The following EYA1 variants were observed in gnomAD, a reference collection of about 807,000 sequenced individuals.
The protein encoded by EYA1 is protein phosphatase EYA1.
In EYA1, 16 loss-of-function variants were observed where a neutral mutation model predicts 82.0. The observed-to-expected ratio is 0.20, with a 90% CI of 0.13 to 0.30. The LOEUF is 0.30. Ranked by LOEUF, EYA1 falls within the 10% of genes least tolerant of loss-of-function variation. The pLI is 1.00. For synonymous variants in EYA1, 261 were observed against 264.4 expected, an observed-to-expected ratio of 0.99 and a Z score of 0.12; for missense variants, 633 against 730.7, an observed-to-expected ratio of 0.87 and a Z score of 1.54.
rs935912194 is a variant in EYA1 at position 71,448,025 on chromosome 8, T to TTTTTTTTTTTTTTTTTTTAACGGAG, written c.33+87718_33+87719insCTCCGTTAAAAAAAAAAAAAAAAAA. 1.4e-4 allele frequency among the ~76,000 whole-genome samples: 16 copies of TTTTTTTTTTTTTTTTTTTAACGGAG among 116,738 alleles called. No homozygotes were observed. The East Asian group carries it at 1.7e-3, about 12-fold the overall frequency. The allele number at this position is 116,738 out of a possible 152,430, so 76.6% of individuals were successfully genotyped here. A position where few individuals can be genotyped will look rare whatever the true frequency, so the allele number is the denominator to read the frequency against. On this transcript the variant is annotated intron_variant, in intron 2 of 18. Coordinates refer to the EYA1 transcript ENST00000643681. ...GTTTAAGAGCTTTTTTTTTTTTTTT[T>TTTTTTTTTTTTTTTTTTTAACGGAG]TCTCGCTCCGTTGCCCAGGCTGCAG...
intron 2 of EYA1, among the ~76,000 whole-genome samples, chr8:71,440,341 G>A (rs191829802): frequency 1.3e-5 from 2 of 152,284 alleles, no homozygotes; most frequent in East Asian, 3.9e-4. Context: ...GATCATTCTG[G>A]CAGTAGTGAT....
chr8:71,205,515 A>C (rs1020246273), intron 17 of EYA1, among the ~76,000 whole-genome samples: 2 of 152,220 alleles, frequency 1.3e-5, no homozygotes, highest in African/African-American at 4.8e-5. Flanking sequence ...CTAAGAACAA[A>C]GAGGCACTCA....
intron 7 of EYA1, among the ~76,000 whole-genome samples, chr8:71,314,499 C>T (rs996548866): frequency 1.1e-4 from 16 of 152,006 alleles, no homozygotes; most frequent in Non-Finnish European, 4.4e-5. Context: ...ATGCTTGGGA[C>T]CAGAAATGTT....
intron 9 of EYA1, among the ~76,000 whole-genome samples, chr8:71,276,585 T>G (rs1324953706): frequency 6.6e-6 from 1 of 152,130 alleles, no homozygotes; most frequent in Non-Finnish European, 1.5e-5. Flanking sequence ...AGTTCTGTGG[T>G]TTTTACTCCT....
rs1406606831 is a variant in EYA1, at chr8:71,426,671, A to G, written c.34-70160T>C. ...ATTTAAATCACCAGGTTTGCAAAAT[A>G]GAGATCTAGTTTACTCAAAAACTAT... is the stretch of plus-strand genomic sequence containing the variant. On this transcript the variant is annotated intron_variant, in intron 2 of 18. Coordinates refer to the EYA1 transcript ENST00000643681. Among the ~76,000 whole-genome samples, 12 of 152,374 alleles carry G rather than the reference A, an allele frequency of 7.9e-5. No individual in the cohort carries two copies. In the East Asian group the frequency reaches 2.1e-3, roughly 27 times the overall value.
chr8:71,327,032 C>T (rs371362858), intron 4 of EYA1, among the ~76,000 whole-genome samples: 1 of 152,186 alleles, frequency 6.6e-6, no homozygotes, highest in Non-Finnish European at 1.5e-5. Flanking sequence ...AAAAGAGACT[C>T]CCATTCATTC....
intron 7 of EYA1, among the ~76,000 whole-genome samples, chr8:71,311,943 G>A (rs1159400838): frequency 6.6e-6 from 1 of 152,206 alleles, no homozygotes; most frequent in African/African-American, 2.4e-5. Flanking sequence ...GGACAGAAGT[G>A]TTGAAAGTTG....
intron 2 of EYA1, among the ~76,000 whole-genome samples, chr8:71,525,976 T>G (rs548439018): frequency 6.6e-5 from 10 of 152,226 alleles, no homozygotes; most frequent in South Asian, 2.1e-4. Flanking sequence ...TTGCATATTC[T>G]CTACCCTCAA....
At position 71,391,274 on chromosome 8, in the gene EYA1, T is replaced by C. The variant is rs111415654; in HGVS notation, c.34-34763A>G. Among the ~76,000 whole-genome samples, 378 of 152,326 alleles carry C rather than the reference T, an allele frequency of 2.5e-3. 4 individuals are homozygous for C. The highest frequency in any genetic ancestry group is 8.5e-3 in the African/African-American group (352 of 41,582). ...CTGGGATTACAGGCATGAGCTACTGTACCCAGCCAAAAATTTTCTTCTTTT... is the reference window on the plus strand; with the variant it reads ...CTGGGATTACAGGCATGAGCTACTGCACCCAGCCAAAAATTTTCTTCTTTT... On this transcript the variant is annotated intron_variant, in intron 2 of 18. Transcript: ENST00000643681.
chr8:71,386,695 A>G (rs1452464175), intron 2 of EYA1, among the ~76,000 whole-genome samples: 1 of 152,180 alleles, frequency 6.6e-6, no homozygotes, highest in African/African-American at 2.4e-5. Flanking sequence ...CAAATTTAGG[A>G]AAAAAACAGG....
chr8:71,202,373 C>T (rs1335464611), intron 17 of EYA1, among the ~76,000 whole-genome samples: 3 of 152,034 alleles, frequency 2.0e-5, no homozygotes, highest in East Asian at 1.9e-4. Flanking sequence ...GGGTTGATGC[C>T]GCCTACAGAA....
At chr8:71,322,326 T>C (rs1254167128) in intron 4 of EYA1, 58 bp from the exon 5 acceptor site, 3 of 1,417,844 alleles carry the variant, frequency 2.1e-6, no homozygotes, top group South Asian at 2.3e-5. Context: ...ACACAAAATA[T>C]ATAGAAAGCA....
intron 1 of EYA1, chr8:71,535,927 T>G: frequency 2.2e-6 from 1 of 448,376 alleles, no homozygotes; most frequent in Non-Finnish European, 3.9e-6. Context: ...TCTGCAGCTT[T>G]CCATTTACCA....
At chr8:71,535,889 G>A (rs1814673446) in intron 1 of EYA1, 2 of 552,138 alleles carry the variant, frequency 3.6e-6, no homozygotes, top group South Asian at 8.7e-5. Flanking sequence ...TTAATTGTGT[G>A]GCATGAAATT....
intron 3 of EYA1, among the ~76,000 whole-genome samples, chr8:71,346,534 C>A (rs1825763805): frequency 6.7e-6 from 1 of 150,174 alleles, no homozygotes; most frequent in Non-Finnish European, 1.5e-5. Context: ...ATCTTACCAT[C>A]TACACACTAA....
intron 2 of EYA1, among the ~76,000 whole-genome samples, chr8:71,476,228 A>G (rs1408280532): frequency 6.6e-6 from 1 of 152,152 alleles, no homozygotes; most frequent in East Asian, 1.9e-4. Context: ...AAATTTTACA[A>G]AATTCAATTC....
chr8:71,377,499 A>C (rs538084621), intron 2 of EYA1, among the ~76,000 whole-genome samples: 1 of 152,192 alleles, frequency 6.6e-6, no homozygotes, highest in Non-Finnish European at 1.5e-5. Context: ...AATGATTCCA[A>C]TCGCAAGGAT....
intron 2 of EYA1, among the ~76,000 whole-genome samples, chr8:71,423,639 AG>A (rs1427267278): frequency 6.6e-6 from 1 of 152,238 alleles, no homozygotes; most frequent in African/African-American, 2.4e-5. Flanking sequence ...GATAAGGGTA[AG>A]GAGAGGAACA....
intron 7 of EYA1, among the ~76,000 whole-genome samples, chr8:71,308,702 C>CT (rs539041365): frequency 0.053 from 6,594 of 124,212 alleles, 517 homozygotes; most frequent in African/African-American, 0.18. Flanking sequence ...CTTCAAAAAG[C>CT]TTTTTTTTTT....
Sources: allele counts gnomAD v4.1 joint callset (sites outside exome capture counted in the v4.1 genomes callset), GRCh38; gene constraint gnomAD v4.1.1; transcripts MANE v1.5; gene names NCBI Gene and HGNC (gene_info 2026-07-23, HGNC 2026-07-21).